COMMD10: variants seen among roughly 807,000 people sequenced by gnomAD.
The protein encoded by COMMD10 is COMM domain containing 10, also known as COMM domain-containing protein 10.
A neutral mutation model predicts 28.9 loss-of-function variants in COMMD10; 33 were observed. The ratio of observed to expected loss-of-function variants is 1.14; its 90% confidence interval spans 0.87 to 1.53. The LOEUF is 1.53. Among genes scored for constraint, COMMD10 ranks in the 40% most tolerant of loss-of-function variants. COMMD10 has a pLI of 0.00. For missense variants in COMMD10, 310 were observed against 233.4 expected, an observed-to-expected ratio of 1.33 and a Z score of -2.14; for synonymous variants, 110 against 81.7, an observed-to-expected ratio of 1.35 and a Z score of -1.87.
At chr5:116,087,426 T>C (rs915050807) in intron 1 of COMMD10, 71 bp from the exon 2 acceptor site, 15 of 897,322 alleles carry the variant, frequency 1.7e-5, no homozygotes, top group African/African-American at 1.3e-4. Context: ...TGAAAACTTA[T>C]AGACAACTAT....
At chr5:116,284,553 AG>A (rs1751168876) in intron 5 of COMMD10, among the ~76,000 whole-genome samples, 1 of 151,812 alleles carries the variant, frequency 6.6e-6, no homozygotes, top group Non-Finnish European at 1.5e-5. Context: ...GGAAAAAAAT[AG>A]GTCCAAATAG....
In COMMD10 at chr5:116,155,536, A is replaced by C. The variant is rs1286822781; in HGVS notation, c.510+21358A>C. ...GTATTTTTGTAAAAATTTTGTAGAT[A>C]AACAGACATCCTGTGTATTCTGGTA... is the stretch of plus-strand genomic sequence containing the variant. On this transcript the variant is annotated intron_variant, in intron 5 of 6. Coordinates refer to ENST00000274458, the MANE Select transcript of COMMD10 (RefSeq NM_016144.4). Among the ~76,000 whole-genome samples, 2 of 152,236 alleles carry C rather than the reference A, an allele frequency of 1.3e-5. 1 individual carries two copies. Among genetic ancestry groups the C allele is most frequent in the South Asian group, 4.1e-4 (2 of 4,828 alleles).
chr5:116,140,412 T>A (rs1202047627), intron 5 of COMMD10, among the ~76,000 whole-genome samples: 1 of 151,834 alleles, frequency 6.6e-6, no homozygotes, highest in Non-Finnish European at 1.5e-5. Context: ...CAGATATCTC[T>A]TTAACATACT....
rs747571612 is a variant in COMMD10 at position 116,087,579 on chromosome 5, C to A, written c.124C>A (p.His42Asn). 19 of 1,599,120 alleles carry A rather than the reference C, an allele frequency of 1.2e-5. No homozygotes were observed. The East Asian group carries it at 4.0e-4, about 34-fold the overall frequency. Residue 42 changes from histidine (H) to asparagine (N), a missense_variant, in exon 2 of 7, where the codon CAC becomes AAC. Physicochemically the swap from His to Asn is moderately conservative, Grantham distance 68. Coordinates refer to ENST00000274458, the MANE Select transcript of COMMD10 (RefSeq NM_016144.4). ...RLLTRILQKL[H>N]LKAESSFSEE... ...GCTCACTCGGATTCTTCAAAAACTTCACCTGAAGGTTTGTATTTGTGTGTT... is the reference window on the plus strand; with the variant it reads ...GCTCACTCGGATTCTTCAAAAACTTAACCTGAAGGTTTGTATTTGTGTGTT...
At chr5:116,115,457 T>C (rs536496003) in intron 4 of COMMD10, among the ~76,000 whole-genome samples, 38 of 152,336 alleles carry the variant, frequency 2.5e-4, no homozygotes, top group Admixed American at 1.1e-3. Context: ...AGTGTGACTT[T>C]AACACTTTAT....
At chr5:116,161,865 G>T (rs989851368) in intron 5 of COMMD10, among the ~76,000 whole-genome samples, 1 of 152,074 alleles carries the variant, frequency 6.6e-6, no homozygotes, top group South Asian at 2.1e-4. Context: ...ATAAACTCAC[G>T]TATAAATGGA....
chr5:116,232,942 T>C (rs1749565513), intron 5 of COMMD10, among the ~76,000 whole-genome samples: 1 of 152,190 alleles, frequency 6.6e-6, no homozygotes, highest in Non-Finnish European at 1.5e-5. Context: ...GGCAGTCTGA[T>C]TGTAATTCTA....
At chr5:116,090,953 T>G in intron 2 of COMMD10, 126 bp from the exon 3 acceptor site, 1 of 560,424 alleles carries the variant, frequency 1.8e-6, no homozygotes, top group Non-Finnish European at 3.2e-6. Context: ...GCACATCAGT[T>G]TCTTTTCACC....
At chr5:116,167,271 A>G (rs1463012901) in intron 5 of COMMD10, among the ~76,000 whole-genome samples, 1 of 151,968 alleles carries the variant, frequency 6.6e-6, no homozygotes, top group African/African-American at 2.4e-5. Flanking sequence ...TTAATGAAGT[A>G]AAGCATGAAG....
intron 5 of COMMD10, among the ~76,000 whole-genome samples, chr5:116,285,417 A>T (rs568540698): frequency 1.6e-4 from 25 of 151,736 alleles, no homozygotes; most frequent in Non-Finnish European, 3.1e-4. Flanking sequence ...CTCCATTCTT[A>T]CTTCCCCACA....
chr5:116,107,962 T>G (rs1053054767), intron 4 of COMMD10, among the ~76,000 whole-genome samples: 1 of 152,240 alleles, frequency 6.6e-6, no homozygotes, highest in East Asian at 1.9e-4. Flanking sequence ...TTGCTGGATG[T>G]CCACTCCAGA....
intron 5 of COMMD10, among the ~76,000 whole-genome samples, chr5:116,142,330 C>G (rs1752220799): frequency 6.6e-6 from 1 of 151,646 alleles, no homozygotes; most frequent in Admixed American, 6.6e-5. Context: ...GGGTTTGTTT[C>G]TAGTATTTTC....
At chr5:116,106,286 G>C (rs777971066) in intron 4 of COMMD10, among the ~76,000 whole-genome samples, 1 of 152,104 alleles carries the variant, frequency 6.6e-6, no homozygotes, top group African/African-American at 2.4e-5. Context: ...TCCATGTGTT[G>C]TGAGGTTTTG....
At chr5:116,247,138 A>G (rs985566665) in intron 5 of COMMD10, among the ~76,000 whole-genome samples, 4 of 151,928 alleles carry the variant, frequency 2.6e-5, no homozygotes, top group South Asian at 2.1e-4. Context: ...AAACAAAACA[A>G]CCTCATTAAA....
In COMMD10 at chr5:116,207,966, T is replaced by C. The variant is rs187998765; in HGVS notation, c.510+73788T>C. ...AGAGACCTTCATATTCCTGCTATTA[T>C]GGAGTTGCGGTTTAGTAGAGATGGT... is the stretch of plus-strand genomic sequence containing the variant. On this transcript the variant is annotated intron_variant, in intron 5 of 6. Coordinates refer to ENST00000274458, the MANE Select transcript of COMMD10 (RefSeq NM_016144.4). Among the ~76,000 whole-genome samples, 1,352 of 152,302 alleles carry C rather than the reference T, an allele frequency of 8.9e-3. 11 individuals carry two copies. Among genetic ancestry groups the C allele is most frequent in the Middle Eastern group, 0.027 (8 of 294 alleles).
At chr5:116,148,565 T>A (rs929804643) in intron 5 of COMMD10, among the ~76,000 whole-genome samples, 1 of 151,864 alleles carries the variant, frequency 6.6e-6, no homozygotes, top group African/African-American at 2.4e-5. Context: ...TAGGTACAAC[T>A]TCATTTATGG....
At chr5:116,193,892 C>A (rs1481787240) in intron 5 of COMMD10, among the ~76,000 whole-genome samples, 1 of 151,950 alleles carries the variant, frequency 6.6e-6, no homozygotes, top group African/African-American at 2.4e-5. Flanking sequence ...CAACTTTTTC[C>A]AAGATAGACC....
intron 5 of COMMD10, among the ~76,000 whole-genome samples, chr5:116,159,042 T>C (rs1300078807): frequency 6.6e-6 from 1 of 152,180 alleles, no homozygotes; most frequent in Non-Finnish European, 1.5e-5. Flanking sequence ...CATGAATCTG[T>C]CATCTGTGCC....
Position 116,152,209 on chromosome 5 carries a change from G to A in COMMD10, c.510+18031G>A, listed in dbSNP as rs189195981. ...TCCTGAGTTCTAGTTTGATTGCACT[G>A]TGGTCTGAGAGACAGTTTGTTATAA... On this transcript the variant is annotated intron_variant, in intron 5 of 6. Transcript: ENST00000274458. Among the ~76,000 whole-genome samples the A allele has an allele frequency of 7.3e-3, 1,109 of 152,286 alleles. 15 individuals are homozygous for A. Among genetic ancestry groups the A allele is most frequent in the African/African-American group, 0.025 (1,034 of 41,570 alleles).
Sources: allele counts gnomAD v4.1 joint callset (sites outside exome capture counted in the v4.1 genomes callset), GRCh38; gene constraint gnomAD v4.1.1; transcripts MANE v1.5; gene names NCBI Gene and HGNC (gene_info 2026-07-23, HGNC 2026-07-21).